The following ATXN7 variants were observed in gnomAD, a reference collection of about 807,000 sequenced individuals.
The protein encoded by ATXN7 is ataxin 7.
A neutral mutation model predicts 70.5 loss-of-function variants in ATXN7; 12 were observed. That is an observed-to-expected ratio of 0.17 (90% CI 0.11 to 0.28). ATXN7 has a LOEUF of 0.28. Ranked by LOEUF, ATXN7 falls within the 10% of genes least tolerant of loss-of-function variation. The pLI is 1.00. For synonymous variants in ATXN7, 498 were observed against 448.7 expected, an observed-to-expected ratio of 1.11 and a Z score of -1.39; for missense variants, 1,256 against 1,131.7, an observed-to-expected ratio of 1.11 and a Z score of -1.58.
Position 63,952,473 on chromosome 3 carries a change from A to G in ATXN7, c.489A>G (p.Gln163=), listed in dbSNP as rs545773039. ...CNQVVKPQAF[Q]SHYERRHSSS... ...AGGTTGTCAAACCGCAGGCATTTCAATCACATTATGGTAAGTGCTTAACCA... is the reference window on the plus strand; with the variant it reads ...AGGTTGTCAAACCGCAGGCATTTCAGTCACATTATGGTAAGTGCTTAACCA... Residue 163 remains glutamine (Q), a synonymous_variant, in exon 5 of 13, where the codon CAA becomes CAG. Transcript: ENST00000674280. The G allele has an allele frequency of 1.4e-5, 22 of 1,608,658 alleles. No homozygotes were observed. The highest frequency in any genetic ancestry group is 2.7e-5 in the African/African-American group (2 of 74,904).
At chr3:63,976,928 A>C (rs1428249608) in intron 5 of ATXN7, among the ~76,000 whole-genome samples, 2 of 152,204 alleles carry the variant, frequency 1.3e-5, no homozygotes, top group East Asian at 3.8e-4. Context: ...TAGAATAAAC[A>C]TGGCAGTTAC....
intron 1 of ATXN7, among the ~76,000 whole-genome samples, chr3:63,891,378 G>C (rs1373173102): frequency 6.6e-6 from 1 of 151,468 alleles, no homozygotes; most frequent in African/African-American, 2.4e-5. Context: ...AAGTACAGTG[G>C]CACAGTCATA....
chr3:63,944,552 G>C (rs1183337749), intron 4 of ATXN7, among the ~76,000 whole-genome samples: 1 of 152,124 alleles, frequency 6.6e-6, no homozygotes, highest in African/African-American at 2.4e-5. Context: ...TCATCCTGCT[G>C]TTCGGAATGG....
intron 11 of ATXN7, among the ~76,000 whole-genome samples, chr3:63,994,310 C>G (rs908649653): frequency 8.5e-5 from 13 of 152,180 alleles, no homozygotes; most frequent in African/African-American, 2.9e-4. Context: ...TTTCAGCTCA[C>G]TGTGACCTCC....
intron 8 of ATXN7, among the ~76,000 whole-genome samples, chr3:63,983,340 C>G (rs116067163): frequency 6.6e-6 from 1 of 152,300 alleles, no homozygotes; most frequent in Non-Finnish European, 1.5e-5. Flanking sequence ...CTTGACTGTG[C>G]TTTAAATTAT....
chr3:63,953,340 A>G (rs1559644356), intron 5 of ATXN7, among the ~76,000 whole-genome samples: 1 of 152,188 alleles, frequency 6.6e-6, no homozygotes, highest in East Asian at 1.9e-4. Context: ...TTTGATGCAG[A>G]GGGAACAGCC....
chr3:63,954,865 T>C lies in ATXN7; in HGVS notation c.499+2382T>C, dbSNP rs138841628. ...CTGGGATTACAGGTGCATGCCACTA[T>C]GCCCGGCTAATTTTTGTATTTTTAT... On this transcript the variant is annotated intron_variant, in intron 5 of 12. Coordinates refer to ENST00000674280, the MANE Select transcript of ATXN7 (RefSeq NM_001377405.1). Among the ~76,000 whole-genome samples the C allele has an allele frequency of 5.6e-3, 852 of 151,950 alleles. 8 individuals carry two copies. The highest frequency in any genetic ancestry group is 0.018 in the African/African-American group (739 of 41,452).
intron 11 of ATXN7, 24 bp downstream of exon 11, chr3:63,990,883 G>A (rs1448727792): frequency 6.2e-7 from 1 of 1,614,108 alleles, no homozygotes; most frequent in Non-Finnish European, 8.5e-7. Context: ...GTTCTTGGGA[G>A]AGGAGCTGAC....
At chr3:63,968,652 TTTAA>T (rs1393407550) in intron 5 of ATXN7, among the ~76,000 whole-genome samples, 1 of 152,198 alleles carries the variant, frequency 6.6e-6, no homozygotes, top group Non-Finnish European at 1.5e-5. Flanking sequence ...TGTATAAAAA[TTTAA>T]TTATGGACTG....
chr3:63,951,759 G>T (rs1201738133), intron 4 of ATXN7, among the ~76,000 whole-genome samples: 1 of 152,122 alleles, frequency 6.6e-6, no homozygotes, highest in African/African-American at 2.4e-5. Context: ...CAAACAGCTC[G>T]TATCCTACCC....
At chr3:63,987,909 T>G in intron 8 of ATXN7, 150 bp from the exon 9 acceptor site, 2 of 914,496 alleles carry the variant, frequency 2.2e-6, no homozygotes, top group East Asian at 5.3e-5. Context: ...TAATGGGCTC[T>G]TAAGGTTTTT....
At chr3:63,954,083 A>AT (rs2074999707) in intron 5 of ATXN7, among the ~76,000 whole-genome samples, 1 of 152,224 alleles carries the variant, frequency 6.6e-6, no homozygotes, top group Non-Finnish European at 1.5e-5. Context: ...CCATAAAAAG[A>AT]TTCTTTGAGT....
At chr3:63,921,949 A>G (rs72880332) in intron 4 of ATXN7, among the ~76,000 whole-genome samples, 2,992 of 152,330 alleles carry the variant, frequency 0.02, 103 homozygotes, top group African/African-American at 0.065. Context: ...GTTTTGCTTT[A>G]GCACACAAGG....
At chr3:63,957,665 C>CT (rs2075061316) in intron 5 of ATXN7, among the ~76,000 whole-genome samples, 1 of 152,164 alleles carries the variant, frequency 6.6e-6, no homozygotes, top group Non-Finnish European at 1.5e-5. Context: ...AAAATGGAGA[C>CT]TAGCACATTT....
rs758194120 is a variant in ATXN7, at chr3:63,913,142, G to A, written c.326-15G>A. The A allele has an allele frequency of 6.2e-7, 1 of 1,612,398 alleles. No individual in the cohort carries two copies. The highest frequency in any genetic ancestry group is 1.1e-5 in the South Asian group (1 of 91,044). ...ACCTGCCTCTCCCCTCCTCCTGTGT[G>A]TGTATATCTCCTAGGGACAGAATTG... On this transcript the variant is annotated splice_polypyrimidine_tract_variant and intron_variant, in intron 3 of 12. Coordinates refer to ENST00000674280, the MANE Select transcript of ATXN7 (RefSeq NM_001377405.1).
rs2075811078 is a variant in ATXN7 at position 63,999,466 on chromosome 3, G to A, written c.2678G>A (p.Ter893=). Residue 893 remains the stop codon, a stop_retained_variant, in exon 13 of 13, where the codon TGA becomes TAA. Transcript: ENST00000674280. ...SLLHQPKARP[*] is the part of the protein sequence containing the mutation. ...TTTTGAAAGCCAAAGGCACGTCCCT[G>A]ACAGCTGAAAATAGCACGGGGAGGA... 1.2e-6 allele frequency: 2 copies of A among 1,613,912 alleles called. No individual in the cohort carries two copies. The highest frequency in any genetic ancestry group is 2.2e-5 in the East Asian group (1 of 44,860).
intron 5 of ATXN7, among the ~76,000 whole-genome samples, chr3:63,960,016 G>A (rs752137892): frequency 1.3e-4 from 20 of 152,178 alleles, no homozygotes; most frequent in Non-Finnish European, 8.8e-5. Context: ...GAAATTGTGT[G>A]AAATCAGATT....
chr3:63,998,731 G>T, intron 12 of ATXN7: 2 of 968,414 alleles, frequency 2.1e-6, no homozygotes, highest in Non-Finnish European at 2.5e-6. Flanking sequence ...TTCATTTATC[G>T]TATAGCTTTC....
intron 4 of ATXN7, 60 bp downstream of exon 4, chr3:63,913,285 C>T (rs946988920): frequency 2.6e-6 from 4 of 1,520,408 alleles, no homozygotes; most frequent in Non-Finnish European, 3.6e-6. Flanking sequence ...ATTGACAGTT[C>T]ACTGGGACCG....
Sources: allele counts gnomAD v4.1 joint callset (sites outside exome capture counted in the v4.1 genomes callset), GRCh38; gene constraint gnomAD v4.1.1; transcripts MANE v1.5; gene names NCBI Gene and HGNC (gene_info 2026-07-23, HGNC 2026-07-21).